Variants in ZXDC observed in about 807,000 individuals in gnomAD.
The protein encoded by ZXDC is zinc finger protein ZXDC.
A neutral mutation model predicts 63.6 loss-of-function variants in ZXDC; 58 were observed. The ratio of observed to expected loss-of-function variants is 0.91; its 90% CI spans 0.74 to 1.13. The LOEUF (loss-of-function observed/expected upper bound fraction) is 1.13, where lower values mean the gene tolerates loss of function less well. Ranked by LOEUF, ZXDC falls within the 50% of genes most tolerant of loss-of-function variation. The pLI is 0.00. For missense variants in ZXDC, 1,133 were observed against 1,148.9 expected (o/e 0.99, Z 0.20); for synonymous variants, 561 against 496.1 (o/e 1.13, Z -1.74).
chr3:126,463,886 G>A (rs1934651821), intron 5 of ZXDC, among the ~76,000 whole-genome samples: 1 of 152,100 alleles, frequency 6.6e-6, no homozygotes, highest in African/African-American at 2.4e-5. Flanking sequence ...ATCAAATTCA[G>A]AATGTATCCT....
At chr3:126,471,438 T>C (rs1202056182) in intron 3 of ZXDC, among the ~76,000 whole-genome samples, 2 of 152,220 alleles carry the variant, frequency 1.3e-5, no homozygotes, top group African/African-American at 4.8e-5. Flanking sequence ...TAAGCCAACT[T>C]GTAAAGACTG....
At chr3:126,462,364 A>G (rs1934592322) in intron 5 of ZXDC, 144 bp from the exon 6 acceptor site, 1 of 1,391,584 alleles carries the variant, frequency 7.2e-7, no homozygotes, top group Admixed American at 2.9e-5. Context: ...TTATCACGAC[A>G]GAGTCCCATG....
At position 126,475,229 on chromosome 3, in the gene ZXDC, C is replaced by G; in HGVS notation, c.637G>C (p.Glu213Gln). 6.4e-7 allele frequency: 1 copy of G among 1,569,274 alleles called. No individual in the cohort carries two copies. Among genetic ancestry groups the G allele is most frequent in the Non-Finnish European group, 8.6e-7 (1 of 1,157,084 alleles). ...GTTGTGAAGGCCCAACCACAGCCCTCCAGTGGGCACTTGAAGGGCCGCCGG... is the reference window on the plus strand; with the variant it reads ...GTTGTGAAGGCCCAACCACAGCCCTGCAGTGGGCACTTGAAGGGCCGCCGG... The part of the protein sequence containing the change: ...QGRRPFKCPL[E>Q]GCGWAFTTSY... Residue 213 changes from glutamate (E) to glutamine (Q), a missense_variant, in exon 1 of 10, where the codon GAG (glutamate) becomes CAG (glutamine). Glu to Gln is a conservative substitution (Grantham distance 29). Transcript: ENST00000389709.
intron 7 of ZXDC, among the ~76,000 whole-genome samples, chr3:126,455,415 C>A (rs911721067): frequency 1.3e-5 from 2 of 152,120 alleles, no homozygotes; most frequent in African/African-American, 4.8e-5. Context: ...ACCCCAGTAA[C>A]AATAAGTCCA....
Position 126,438,365 on chromosome 3 carries a change from G to T in ZXDC, c.*10C>A. ...CCGTGGCCTTGGGCCTGCCCAGGCC[G>T]AGGCTGCCGTCACTGCAGATCCTGC... On this transcript the variant is annotated 3_prime_UTR_variant, in exon 10 of 10. Transcript: ENST00000389709. 6.2e-7 allele frequency: 1 copy of T among 1,609,852 alleles called. No homozygotes were observed.
At chr3:126,458,450 C>A in intron 7 of ZXDC, 1 of 278,576 alleles carries the variant, frequency 3.6e-6, no homozygotes, top group Non-Finnish European at 5.4e-6. Flanking sequence ...GTTGGCCAGG[C>A]TGGTCTCGAA....
Position 126,471,973 on chromosome 3 carries a change from C to T in ZXDC, c.1139G>A (p.Arg380Lys). ...ATGCAAACCAAAATGTAAGGATTAC[C>T]TTCTGTGCCTTAGAAGTTTGGACAT... ...TSMSKLLRHR[R>K]KHDDDRRFTC... is the part of the protein sequence containing the mutation. Residue 380 changes from arginine (R) to lysine (K), a missense_variant and splice_region_variant, in exon 3 of 10, where the codon AGG becomes AAG. Arg to Lys is a conservative substitution (Grantham distance 26). Coordinates refer to ENST00000389709, the MANE Select transcript of ZXDC (RefSeq NM_025112.5). 3 of 1,610,862 alleles carry T rather than the reference C, an allele frequency of 1.9e-6. No individual in the cohort carries two copies. The highest frequency in any genetic ancestry group is 2.5e-6 in the Non-Finnish European group (3 of 1,178,758).
chr3:126,454,460 T>C, intron 7 of ZXDC: 1 of 985,458 alleles, frequency 1.0e-6, no homozygotes, highest in Non-Finnish European at 1.2e-6. Context: ...ATATTAACAT[T>C]AGCCCTTGCT....
rs1279890867 is a variant in ZXDC, at chr3:126,472,191, T to G, written c.1022A>C (p.Lys341Thr). 1 of 1,612,900 alleles carries G rather than the reference T, an allele frequency of 6.2e-7. No homozygotes were observed. The highest frequency in any genetic ancestry group is 8.5e-7 in the Non-Finnish European group (1 of 1,178,862). ...CAGGTGAATTTTCAGCCGACAGGCT[T>G]TATCATACTGCTTGCTGCACCCAGG... Reference protein sequence around the residue: ...SFPGCSKQYDKACRLKIHLRS... With the variant: ...SFPGCSKQYDTACRLKIHLRS... The change falls in exon 2 of 10, where the codon AAA becomes ACA. Residue 341 changes from lysine (K) to threonine (T), a missense_variant. Coordinates refer to ENST00000389709, the MANE Select transcript of ZXDC (RefSeq NM_025112.5).
At chr3:126,441,686 A>G (rs4679244) in intron 8 of ZXDC, 79 bp downstream of exon 8, 601,072 of 1,445,320 alleles carry the variant, frequency 0.42, 126,817 homozygotes, top group East Asian at 0.5. Context: ...CAGGGGATGC[A>G]GCATGCCGCA....
intron 7 of ZXDC, among the ~76,000 whole-genome samples, chr3:126,444,381 A>C (rs968178203): frequency 3.3e-5 from 5 of 152,034 alleles, no homozygotes; most frequent in Non-Finnish European, 7.4e-5. Flanking sequence ...AAATACAAAA[A>C]ATTAGCCAGT....
At chr3:126,473,021 C>G (rs570037460) in intron 1 of ZXDC, among the ~76,000 whole-genome samples, 200 of 152,272 alleles carry the variant, frequency 1.3e-3, no homozygotes, top group African/African-American at 4.1e-3. Flanking sequence ...CCTCTTGGAG[C>G]CTTTAACGAG....
chr3:126,454,038 A>AT, intron 7 of ZXDC: 29 of 744,962 alleles, frequency 3.9e-5, no homozygotes, highest in East Asian at 1.3e-4. Context: ...GTATATATAT[A>AT]GGTAGTACTA....
chr3:126,468,201 G>T (rs571614882), intron 4 of ZXDC, among the ~76,000 whole-genome samples: 1 of 151,868 alleles, frequency 6.6e-6, no homozygotes, highest in African/African-American at 2.4e-5. Context: ...CACAAGGCTC[G>T]GCAACACGAG....
chr3:126,441,564 T>G, intron 8 of ZXDC: 1 of 1,332,028 alleles, frequency 7.5e-7, no homozygotes, highest in Non-Finnish European at 9.6e-7. Context: ...CTTGAGCAGA[T>G]GCAGGACAGG....
intron 8 of ZXDC, chr3:126,441,444 A>T: frequency 1.7e-6 from 2 of 1,145,448 alleles, no homozygotes; most frequent in Non-Finnish European, 2.1e-6. Flanking sequence ...TCCTGCTGCA[A>T]AACAGCCCTG....
rs1268614515 is a variant in ZXDC at position 126,459,667 on chromosome 3, G to A, written c.2198C>T (p.Ala733Val). ...CACGGCCTCACCTGCATTGCTCCCC[G>A]CTCCTCTCTGCTTTTTTTCCTTGGC... is the stretch of plus-strand genomic sequence containing the variant. ...QLAKEKKQRGAGSNAGASQST... is the reference protein window; with the variant it reads ...QLAKEKKQRGVGSNAGASQST... Residue 733 changes from alanine (A) to valine (V), a missense_variant, in exon 7 of 10, where the codon GCG becomes GTG. Coordinates refer to ENST00000389709, the MANE Select transcript of ZXDC (RefSeq NM_025112.5). 13 of 1,613,982 alleles carry A rather than the reference G, an allele frequency of 8.1e-6. No individual in the cohort carries two copies. Among genetic ancestry groups the A allele is most frequent in the South Asian group, 3.3e-5 (3 of 91,082 alleles).
intron 9 of ZXDC, 50 bp from the exon 10 acceptor site, chr3:126,438,511 G>C: frequency 6.4e-7 from 1 of 1,552,062 alleles, no homozygotes; most frequent in Non-Finnish European, 8.8e-7. Flanking sequence ...GGGAGGCAGA[G>C]GGATCCTGTG....
At chr3:126,461,487 A>G (rs773676665) in intron 6 of ZXDC, 48 bp downstream of exon 6, 8 of 1,550,216 alleles carry the variant, frequency 5.2e-6, no homozygotes, top group Non-Finnish European at 8.7e-7. Context: ...AAGACCGAGT[A>G]TGAGAGAAGT....
Sources: allele counts gnomAD v4.1 joint callset (sites outside exome capture counted in the v4.1 genomes callset), GRCh38; gene constraint gnomAD v4.1.1; transcripts MANE v1.5; gene names NCBI Gene and HGNC (gene_info 2026-07-23, HGNC 2026-07-21).